Variants in LMBR1 observed in about 807,000 individuals in gnomAD.
LMBR1 encodes limb development membrane protein 1, also known as limb region 1 protein homolog.
In LMBR1, 52 loss-of-function variants were observed where a neutral mutation model predicts 73.9. The ratio of observed to expected loss-of-function variants is 0.70; its 90% CI spans 0.56 to 0.89. The LOEUF (loss-of-function observed/expected upper bound fraction) is 0.89, where lower values mean the gene tolerates loss of function less well. Ranked by LOEUF, LMBR1 falls within the 40% of genes least tolerant of loss-of-function variation. LMBR1 has a pLI of 0.00. For missense variants in LMBR1, 539 were observed against 579.8 expected, an observed-to-expected ratio of 0.93 and a Z score of 0.72; for synonymous variants, 215 against 209.4, an observed-to-expected ratio of 1.03 and a Z score of -0.23.
At chr7:156,782,463 A>G (rs551255765) in intron 5 of LMBR1, among the ~76,000 whole-genome samples, 36 of 152,194 alleles carry the variant, frequency 2.4e-4, no homozygotes, top group Middle Eastern at 6.8e-3. Context: ...ATTCCTCCAC[A>G]TCCTTACCAA....
chr7:156,743,086 T>C (rs1211938639), intron 9 of LMBR1, among the ~76,000 whole-genome samples: 1 of 152,112 alleles, frequency 6.6e-6, no homozygotes, highest in African/African-American at 2.4e-5. Context: ...GTACCTTGGA[T>C]GGAGCGAAAA....
chr7:156,843,677 A>C (rs984786518), intron 1 of LMBR1, among the ~76,000 whole-genome samples: 15 of 151,310 alleles, frequency 9.9e-5, no homozygotes, highest in African/African-American at 3.6e-4. Context: ...GAAACCCGGA[A>C]ACACAAAAAT....
intron 9 of LMBR1, among the ~76,000 whole-genome samples, chr7:156,750,318 C>A (rs1251261301): frequency 1.3e-5 from 2 of 148,354 alleles, no homozygotes; most frequent in African/African-American, 5.0e-5. Context: ...GTGTGTGTAT[C>A]CTCTTAATGC....
chr7:156,710,095 C>T (rs768152351), intron 15 of LMBR1, among the ~76,000 whole-genome samples: 5 of 151,514 alleles, frequency 3.3e-5, no homozygotes, highest in Non-Finnish European at 5.9e-5. Flanking sequence ...TTAGTAGAGA[C>T]GGGGTTTCAC....
chr7:156,836,861 G>T lies in LMBR1; in HGVS notation c.91C>A (p.Leu31Ile). ...ATGATGAAGTAGGAAACAACGTAGA[G>T]AATGGCAAAAAGAAGGAAACATATC... is the stretch of plus-strand genomic sequence containing the variant. The part of the protein sequence containing the change: ...STICFLLFAI[L>I]YVVSYFIITR... The change falls in exon 2 of 17, where the codon CTC becomes ATC. Residue 31 changes from leucine to isoleucine, a missense_variant. Leu to Ile is a conservative substitution (Grantham distance 5). Around this residue, in one of 3 missense-constraint regions of LMBR1, gnomAD observed 454 missense variants for 473.4 expected, o/e 0.96. Transcript: ENST00000353442. The T allele has an allele frequency of 6.3e-7, 1 of 1,578,274 alleles. No homozygotes were observed. Among genetic ancestry groups the T allele is most frequent in the South Asian group, 1.2e-5 (1 of 86,420 alleles).
At chr7:156,671,286 T>C (rs2365509) in intron 4 of LMBR1, among the ~76,000 whole-genome samples, 91,168 of 152,026 alleles carry the variant, frequency 0.6, 28,998 homozygotes, top group African/African-American at 0.81. Flanking sequence ...CCAATCAGAT[T>C]ATGTATGTGT....
At chr7:156,765,863 T>G (rs1031432769) in intron 5 of LMBR1, among the ~76,000 whole-genome samples, 4 of 152,076 alleles carry the variant, frequency 2.6e-5, no homozygotes, top group Non-Finnish European at 2.9e-5. Flanking sequence ...AGCTAAACAG[T>G]GTTAATAGTG....
chr7:156,762,846 A>AGTGAGTGT (rs1769958397), intron 7 of LMBR1, among the ~76,000 whole-genome samples: 1 of 148,520 alleles, frequency 6.7e-6, no homozygotes, highest in African/African-American at 2.5e-5. Flanking sequence ...TGTGAGTGTG[A>AGTGAGTGT]GTGTGTGTGT....
chr7:156,725,701 T>C (rs1346198670), intron 13 of LMBR1, 63 bp downstream of exon 13: 1 of 1,446,354 alleles, frequency 6.9e-7, no homozygotes, highest in Non-Finnish European at 9.6e-7. Flanking sequence ...AAATAACTAC[T>C]GCCCCAGAAA....
At chr7:156,753,429 G>A (rs1201920310) in intron 9 of LMBR1, among the ~76,000 whole-genome samples, 1 of 152,128 alleles carries the variant, frequency 6.6e-6, no homozygotes, top group Non-Finnish European at 1.5e-5. Context: ...AATGAGGGAT[G>A]TGGGTAGAAG....
At chr7:156,870,445 T>C (rs1057465771) in intron 1 of LMBR1, among the ~76,000 whole-genome samples, 1 of 151,908 alleles carries the variant, frequency 6.6e-6, no homozygotes, top group Non-Finnish European at 1.5e-5. Context: ...ACCCACTGGA[T>C]TGAAAAAGAA....
intron 3 of LMBR1, 96 bp downstream of exon 3, chr7:156,833,657 A>G: frequency 3.5e-6 from 3 of 865,550 alleles, no homozygotes; most frequent in Admixed American, 4.3e-5. Context: ...TGCTGGGTGA[A>G]TATTTTCCAT....
chr7:156,731,253 A>G (rs1816781586), intron 10 of LMBR1, among the ~76,000 whole-genome samples: 1 of 152,190 alleles, frequency 6.6e-6, no homozygotes, highest in African/African-American at 2.4e-5. Flanking sequence ...GAAGATAAAA[A>G]GGAGATAAAT....
intron 14 of LMBR1, 127 bp from the exon 15 acceptor site, chr7:156,724,305 A>G: frequency 1.6e-6 from 1 of 615,782 alleles, no homozygotes; most frequent in Non-Finnish European, 2.8e-6. Flanking sequence ...TCTTAATGAT[A>G]CTATTCAGTA....
At chr7:156,814,817 T>C (rs926269832) in intron 4 of LMBR1, among the ~76,000 whole-genome samples, 1 of 152,084 alleles carries the variant, frequency 6.6e-6, no homozygotes, top group Non-Finnish European at 1.5e-5. Flanking sequence ...ACCCAATATG[T>C]TAAACAAATG....
chr7:156,711,078 A>G (rs1811982014), intron 15 of LMBR1, among the ~76,000 whole-genome samples: 1 of 152,252 alleles, frequency 6.6e-6, no homozygotes, highest in African/African-American at 2.4e-5. Flanking sequence ...TGGGAGGCCA[A>G]GGTGGGCAGA....
intron 15 of LMBR1, among the ~76,000 whole-genome samples, chr7:156,704,064 G>A (rs1208116453): frequency 6.6e-6 from 1 of 152,014 alleles, no homozygotes; most frequent in Non-Finnish European, 1.5e-5. Flanking sequence ...TGGGTTACAA[G>A]GGGGCTGAGG....
At chr7:156,863,107 T>C (rs868206090) in intron 1 of LMBR1, among the ~76,000 whole-genome samples, 5 of 152,260 alleles carry the variant, frequency 3.3e-5, no homozygotes, top group South Asian at 4.1e-4. Flanking sequence ...TAATAGAAGA[T>C]ATATATATGT....
At chr7:156,689,141 T>C (rs969380376) in intron 15 of LMBR1, among the ~76,000 whole-genome samples, 4 of 152,146 alleles carry the variant, frequency 2.6e-5, no homozygotes, top group African/African-American at 9.7e-5. Context: ...CAGTATTTAC[T>C]GGAAAAAAAT....
Sources: allele counts gnomAD v4.1 joint callset (sites outside exome capture counted in the v4.1 genomes callset), GRCh38; gene constraint gnomAD v4.1.1; regional missense constraint gnomAD v4.1.1; transcripts MANE v1.5; gene names NCBI Gene and HGNC (gene_info 2026-07-23, HGNC 2026-07-21).